The following STX7 variants were observed in gnomAD, a reference collection of about 807,000 sequenced individuals.
STX7 encodes syntaxin-7.
In STX7, 34 loss-of-function variants were observed where a neutral mutation model predicts 39.6. That is an observed-to-expected ratio of 0.86 (90% confidence interval 0.65 to 1.14). The LOEUF is 1.14. Ranked by LOEUF, STX7 falls within the 50% of genes most tolerant of loss-of-function variation. The pLI is 0.00. For missense variants in STX7, 284 were observed against 310.4 expected (o/e 0.92, Z 0.64); for synonymous variants, 119 against 99.1 (o/e 1.20, Z -1.19).
chr6:132,510,129 A>G (rs749765370), intron 1 of STX7, among the ~76,000 whole-genome samples: 1 of 152,250 alleles, frequency 6.6e-6, no homozygotes, highest in Non-Finnish European at 1.5e-5. Flanking sequence ...ACCAAAATAC[A>G]GCTAGGTAGG....
chr6:132,477,951 CTT>C (rs1222222022), intron 2 of STX7, among the ~76,000 whole-genome samples: 1 of 152,062 alleles, frequency 6.6e-6, no homozygotes, highest in Non-Finnish European at 1.5e-5. Flanking sequence ...GATAATTAAA[CTT>C]TTATGTTTCT....
At chr6:132,502,208 T>C (rs763175200) in intron 2 of STX7, among the ~76,000 whole-genome samples, 68 of 152,186 alleles carry the variant, frequency 4.5e-4, no homozygotes, top group Non-Finnish European at 8.8e-4. Context: ...ATAATTCAGG[T>C]AGAGGAACAG....
chr6:132,487,334 G>A (rs1360455042), intron 2 of STX7, among the ~76,000 whole-genome samples: 1 of 152,152 alleles, frequency 6.6e-6, no homozygotes, highest in Non-Finnish European at 1.5e-5. Context: ...GCAGGGATAT[G>A]GATGAAGCTG....
chr6:132,462,314 T>C (rs2114350212), intron 9 of STX7, among the ~76,000 whole-genome samples: 1 of 152,360 alleles, frequency 6.6e-6, no homozygotes, highest in Non-Finnish European at 1.5e-5. Flanking sequence ...GCACTTGTGC[T>C]GCATGGCCAT....
In STX7 at chr6:132,459,389, T is replaced by C. The variant is rs1458180814; in HGVS notation, c.*1369A>G. 4 of 152,240 alleles carry C rather than the reference T, an allele frequency of 2.6e-5. No homozygotes were observed. Among genetic ancestry groups the C allele is most frequent in the Non-Finnish European group, 5.9e-5 (4 of 68,056 alleles). The allele number at this position is 152,240 out of a possible 1,614,324, so 9.4% of individuals were successfully genotyped here. ...GGAGTGAACTGGTGCTCCAGAAAGA[T>C]GCTGAATGGCCACAGTGCATGTGGT... On this transcript the variant is annotated 3_prime_UTR_variant, in exon 10 of 10. Coordinates refer to ENST00000367941, the MANE Select transcript of STX7 (RefSeq NM_003569.3).
chr6:132,459,614 C>T lies in STX7; in HGVS notation c.*1144G>A, dbSNP rs925335756. The T allele has an allele frequency of 3.9e-5, 6 of 152,270 alleles. No individual in the cohort carries two copies. Among genetic ancestry groups the T allele is most frequent in the South Asian group, 2.1e-4 (1 of 4,818 alleles). The allele number at this position is 152,270 out of a possible 1,614,324, so 9.4% of individuals were successfully genotyped here. ...TCTCAGAGCTTGCCAAGTTAAACACCGCCTTCAGTACCGAGCTGCTATACA... is the reference window on the plus strand; with the variant it reads ...TCTCAGAGCTTGCCAAGTTAAACACTGCCTTCAGTACCGAGCTGCTATACA... On this transcript the variant is annotated 3_prime_UTR_variant, in exon 10 of 10. Transcript: ENST00000367941.
Position 132,458,605 on chromosome 6 carries a change from C to T in STX7, c.*2153G>A, listed in dbSNP as rs1204408847. The T allele has an allele frequency of 6.6e-6, 1 of 152,202 alleles. No individual in the cohort carries two copies. Among genetic ancestry groups the T allele is most frequent in the Non-Finnish European group, 1.5e-5 (1 of 68,036 alleles). The allele number at this position is 152,202 out of a possible 1,614,324, so 9.4% of individuals were successfully genotyped here. Reference sequence around the variant, plus strand: ...AAAACAACTCTAATTTTAATCTCCACAGGGCAACCTTCACTTTTCACAGCA... The same window carrying T: ...AAAACAACTCTAATTTTAATCTCCATAGGGCAACCTTCACTTTTCACAGCA... On this transcript the variant is annotated 3_prime_UTR_variant, in exon 10 of 10. Coordinates refer to ENST00000367941, the MANE Select transcript of STX7 (RefSeq NM_003569.3).
chr6:132,468,426 A>G lies in STX7; in HGVS notation c.587T>C (p.Ile196Thr), dbSNP rs764975922. ...NEIFKDLGMM[I>T]HEQGDVIDSI... is the part of the protein sequence containing the mutation. Reference sequence around the variant, plus strand: ...ACCTATTACATCTCCTTGTTCATGAATCATCATTCCCAAATCTTTAAATAT... The same window carrying G: ...ACCTATTACATCTCCTTGTTCATGAGTCATCATTCCCAAATCTTTAAATAT... The change falls in exon 8 of 10, where the codon ATT becomes ACT. Residue 196 changes from isoleucine to threonine, a missense_variant. Coordinates refer to ENST00000367941, the MANE Select transcript of STX7 (RefSeq NM_003569.3). 1.2e-6 allele frequency: 2 copies of G among 1,609,258 alleles called. No homozygotes were observed. Among genetic ancestry groups the G allele is most frequent in the Non-Finnish European group, 1.7e-6 (2 of 1,177,504 alleles).
chr6:132,497,772 T>A (rs1775452538), intron 2 of STX7, among the ~76,000 whole-genome samples: 1 of 152,222 alleles, frequency 6.6e-6, no homozygotes, highest in Non-Finnish European at 1.5e-5. Context: ...GGCTTGCTTA[T>A]CCTTATACTA....
chr6:132,503,086 C>A lies in STX7; in HGVS notation c.85+360G>T, dbSNP rs565706766. ...TTAATAAACTTTATGTTCCTTAAGC[C>A]CTTGGTAGTGCTACCTGGTTCCAAA... On this transcript the variant is annotated intron_variant, in intron 2 of 9. Coordinates refer to ENST00000367941, the MANE Select transcript of STX7 (RefSeq NM_003569.3). Among the ~76,000 whole-genome samples the A allele has an allele frequency of 7.1e-4, 108 of 152,158 alleles. No individual in the cohort carries two copies. The Middle Eastern group carries it at 0.01, about 14-fold the overall frequency.
chr6:132,454,070 T>C lies in STX7; in HGVS notation c.*6688A>G, dbSNP rs1191264288. On this transcript the variant is annotated 3_prime_UTR_variant, in exon 10 of 10. Coordinates refer to ENST00000367941, the MANE Select transcript of STX7 (RefSeq NM_003569.3). ...TAAACAAACTGTGGTACATCTATAC[T>C]ATGGGATTCTATTCACACTAAAAAG... is the stretch of plus-strand genomic sequence containing the variant. 1 of 152,108 alleles carries C rather than the reference T, an allele frequency of 6.6e-6. No homozygotes were observed. Among genetic ancestry groups the C allele is most frequent in the Non-Finnish European group, 1.5e-5 (1 of 67,984 alleles). 9.4% of individuals were successfully genotyped at this position (152,108 alleles called of 1,614,324 possible). A position where few individuals can be genotyped will look rare whatever the true frequency, so the allele number is the denominator to read the frequency against.
In STX7 at chr6:132,455,521, G is replaced by C. The variant is rs1774223273; in HGVS notation, c.*5237C>G. On this transcript the variant is annotated 3_prime_UTR_variant, in exon 10 of 10. Transcript: ENST00000367941. ...GAAAACTCCCTCGTCAACAAGTAGA[G>C]GTGTTGTGCGTGTAACGACTGGACA... is the stretch of plus-strand genomic sequence containing the variant. 1 of 152,150 alleles carries C rather than the reference G, an allele frequency of 6.6e-6. No individual in the cohort carries two copies. Among genetic ancestry groups the C allele is most frequent in the Non-Finnish European group, 1.5e-5 (1 of 68,024 alleles). The allele number at this position is 152,150 out of a possible 1,614,324, so 9.4% of individuals were successfully genotyped here. A position where few individuals can be genotyped will look rare whatever the true frequency, so the allele number is the denominator to read the frequency against.
Position 132,501,143 on chromosome 6 carries a change from C to G in STX7, c.85+2303G>C, listed in dbSNP as rs542070632. 2.3e-4 allele frequency among the ~76,000 whole-genome samples: 35 copies of G among 152,072 alleles called. 1 individual carries two copies. In the South Asian group the frequency reaches 7.3e-3, roughly 32 times the overall value. On this transcript the variant is annotated intron_variant, in intron 2 of 9. Transcript: ENST00000367941. Reference sequence around the variant, plus strand: ...GGCGTGATCACTGCAACCTCCGCCTCCCAGGTTCAAGCGATTCCCCTGCCT... The same window carrying G: ...GGCGTGATCACTGCAACCTCCGCCTGCCAGGTTCAAGCGATTCCCCTGCCT...
chr6:132,468,634 T>A (rs2114369315), intron 7 of STX7, among the ~76,000 whole-genome samples, 159 bp from the exon 8 acceptor site: 1 of 152,222 alleles, frequency 6.6e-6, no homozygotes, highest in Non-Finnish European at 1.5e-5. Context: ...CAGGAAAATA[T>A]TTGACAATAA....
intron 2 of STX7, among the ~76,000 whole-genome samples, chr6:132,487,492 G>A (rs1775168974): frequency 6.6e-6 from 1 of 152,116 alleles, no homozygotes; most frequent in Non-Finnish European, 1.5e-5. Context: ...TGAGGGGCAG[G>A]GGAGGGAGAG....
chr6:132,463,182 T>C (rs544697191), intron 9 of STX7, among the ~76,000 whole-genome samples: 1 of 152,234 alleles, frequency 6.6e-6, no homozygotes, highest in African/African-American at 2.4e-5. Flanking sequence ...CACTCCAGCC[T>C]GGGCATCGGA....
At chr6:132,485,971 T>C (rs1775123206) in intron 2 of STX7, among the ~76,000 whole-genome samples, 1 of 152,244 alleles carries the variant, frequency 6.6e-6, no homozygotes, top group South Asian at 2.1e-4. Context: ...TTGATGTTAT[T>C]GTAAATGCCA....
intron 3 of STX7, among the ~76,000 whole-genome samples, chr6:132,473,611 A>G (rs114152328): frequency 6.7e-6 from 1 of 149,250 alleles, no homozygotes; most frequent in African/African-American, 2.5e-5. Flanking sequence ...CTACATATCC[A>G]TATTTTATCT....
At chr6:132,502,389 G>A (rs1178982703) in intron 2 of STX7, among the ~76,000 whole-genome samples, 3 of 151,994 alleles carry the variant, frequency 2.0e-5, no homozygotes, top group Non-Finnish European at 4.4e-5. Context: ...GTAATGCCCC[G>A]AGGGCCAAAC....
Sources: allele counts gnomAD v4.1 joint callset (sites outside exome capture counted in the v4.1 genomes callset), GRCh38; gene constraint gnomAD v4.1.1; transcripts MANE v1.5; gene names NCBI Gene and HGNC (gene_info 2026-07-23, HGNC 2026-07-21).